Variants in LMNB1 observed in about 807,000 individuals in gnomAD.
The protein encoded by LMNB1 is lamin-B1.
Under a neutral mutation model 67.1 loss-of-function variants are expected in LMNB1, and 23 were observed. That is an observed-to-expected ratio of 0.34 (90% CI 0.25 to 0.49). The LOEUF is 0.49. LMNB1 is among the 20% of genes least tolerant of loss of function. The pLI, the probability that LMNB1 is intolerant of heterozygous loss-of-function variation, is 0.99. For missense variants in LMNB1, 634 were observed against 746.5 expected (o/e 0.85, Z 1.76); for synonymous variants, 281 against 282.9 (o/e 0.99, Z 0.07).
intron 1 of LMNB1, among the ~76,000 whole-genome samples, chr5:126,803,172 A>G (rs1041905591): frequency 4.2e-5 from 6 of 142,296 alleles, no homozygotes; most frequent in Admixed American, 2.8e-4. Flanking sequence ...GGTGATGGTG[A>G]GATGCCATCT....
chr5:126,823,630 ATTC>A (rs1432511231), intron 8 of LMNB1, among the ~76,000 whole-genome samples: 2 of 152,202 alleles, frequency 1.3e-5, no homozygotes, highest in African/African-American at 2.4e-5. Context: ...CCTTTTATAT[ATTC>A]TTTAAAAAAT....
intron 1 of LMNB1, among the ~76,000 whole-genome samples, chr5:126,800,769 C>T (rs1413274798): frequency 6.8e-6 from 1 of 146,992 alleles, no homozygotes; most frequent in African/African-American, 2.5e-5. Context: ...TCTCCCGCCT[C>T]AGCCTCCTGA....
In LMNB1 at chr5:126,819,019, T is replaced by C; in HGVS notation, c.1037T>C (p.Met346Thr). Residue 346 changes from methionine to threonine, a missense_variant, in exon 6 of 11, where the codon ATG becomes ACG. Physicochemically the swap from Met to Thr is moderately conservative, Grantham distance 81. Coordinates refer to ENST00000261366, the MANE Select transcript of LMNB1 (RefSeq NM_005573.4). Reference sequence around the variant, plus strand: ...ATGCTGACAGACAAAGAGAGAGAGATGGCGGAAATAAGGGATCAAATGCAG... The same window carrying C: ...ATGCTGACAGACAAAGAGAGAGAGACGGCGGAAATAAGGGATCAAATGCAG... ...RRMLTDKERE[M>T]AEIRDQMQQQ... 3.7e-6 allele frequency: 6 copies of C among 1,614,044 alleles called. No homozygotes were observed. The highest frequency in any genetic ancestry group is 3.4e-6 in the Non-Finnish European group (4 of 1,179,952).
At chr5:126,826,286 A>G (rs1751997717) in intron 9 of LMNB1, among the ~76,000 whole-genome samples, 179 bp downstream of exon 9, 1 of 152,250 alleles carries the variant, frequency 6.6e-6, no homozygotes, top group Admixed American at 6.5e-5. Flanking sequence ...TGTATTATAG[A>G]GTACTGATTA....
chr5:126,777,386 A>G lies in LMNB1; in HGVS notation c.-123A>G. On this transcript the variant is annotated 5_prime_UTR_variant, in exon 1 of 11. Coordinates refer to ENST00000261366, the MANE Select transcript of LMNB1 (RefSeq NM_005573.4). ...GTGCTTCTCCGTTCCTCTAAACGCCAGCGTCTGGACGTGAGCGCAGGTCGC... is the reference window on the plus strand; with the variant it reads ...GTGCTTCTCCGTTCCTCTAAACGCCGGCGTCTGGACGTGAGCGCAGGTCGC... 1 of 1,140,820 alleles carries G rather than the reference A, an allele frequency of 8.8e-7. No homozygotes were observed. Among genetic ancestry groups the G allele is most frequent in the Non-Finnish European group, 1.1e-6 (1 of 904,834 alleles). The allele number at this position is 1,140,820 out of a possible 1,614,324, so 70.7% of individuals were successfully genotyped here. A position where few individuals can be genotyped will look rare whatever the true frequency, so the allele number is the denominator to read the frequency against.
chr5:126,801,062 C>G (rs942066994), intron 1 of LMNB1, among the ~76,000 whole-genome samples: 1 of 137,798 alleles, frequency 7.3e-6, no homozygotes, highest in African/African-American at 2.7e-5. Flanking sequence ...GGGCTCACTG[C>G]AGCCTCGACC....
rs559122559 is a variant in LMNB1 at position 126,802,556 on chromosome 5, G to A, written c.360-2220G>A. ...CCTCCCGGGTTCAGGCAATTCTCCT[G>A]CCTCAGCCTCCCAGGTAGCTGGGAT... On this transcript the variant is annotated intron_variant, in intron 1 of 10. Coordinates refer to ENST00000261366, the MANE Select transcript of LMNB1 (RefSeq NM_005573.4). 3.3e-5 allele frequency among the ~76,000 whole-genome samples: 5 copies of A among 152,222 alleles called. No homozygotes were observed. The South Asian group carries it at 1.0e-3, about 32-fold the overall frequency.
chr5:126,788,332 G>T (rs1163472654), intron 1 of LMNB1, among the ~76,000 whole-genome samples: 1 of 152,048 alleles, frequency 6.6e-6, no homozygotes, highest in South Asian at 2.1e-4. Context: ...CCCACAATGG[G>T]GATGATAAGT....
In LMNB1 at chr5:126,826,190, C is replaced by T. The variant is rs186959470; in HGVS notation, c.1611+83C>T. ...AAGTATAATCAAGATCAGATTGAAA[C>T]GTGCAATAACCGATTGCATAAACAG... On this transcript the variant is annotated intron_variant, in intron 9 of 10. Transcript: ENST00000261366. 6.8e-5 allele frequency: 99 copies of T among 1,457,816 alleles called. No homozygotes were observed. The African/African-American group carries it at 1.2e-3, about 18-fold the overall frequency. The allele number at this position is 1,457,816 out of a possible 1,614,324, so 90.3% of individuals were successfully genotyped here. A position where few individuals can be genotyped will look rare whatever the true frequency, so the allele number is the denominator to read the frequency against.
intron 1 of LMNB1, among the ~76,000 whole-genome samples, chr5:126,803,994 A>G (rs571288712): frequency 6.6e-6 from 1 of 152,008 alleles, no homozygotes; most frequent in African/African-American, 2.4e-5. Context: ...TCTTACTAAT[A>G]TCAGGGGAGT....
intron 10 of LMNB1, among the ~76,000 whole-genome samples, chr5:126,834,294 C>T (rs1182834041): frequency 6.6e-6 from 1 of 152,084 alleles, no homozygotes; most frequent in African/African-American, 2.4e-5. Flanking sequence ...CAACCTCCAC[C>T]TCCCAGGTTC....
chr5:126,811,679 C>G (rs1183719387), intron 4 of LMNB1, 94 bp from the exon 5 acceptor site: 1 of 1,164,706 alleles, frequency 8.6e-7, no homozygotes, highest in Non-Finnish European at 1.2e-6. Context: ...CAGTTACCAG[C>G]AGGACTTAGG....
chr5:126,787,546 A>ATATTTTTTTT, intron 1 of LMNB1, among the ~76,000 whole-genome samples: 52 of 65,574 alleles, frequency 7.9e-4, no homozygotes, highest in African/African-American at 3.0e-3. Flanking sequence ...ATATATATAT[A>ATATTTTTTTT]TTTTTTTTTT....
chr5:126,830,509 G>A (rs906820467), intron 9 of LMNB1, among the ~76,000 whole-genome samples: 2 of 151,758 alleles, frequency 1.3e-5, no homozygotes, highest in Non-Finnish European at 2.9e-5. Context: ...TTTTTTATAC[G>A]GCTTTCTGTA....
intron 1 of LMNB1, among the ~76,000 whole-genome samples, chr5:126,801,226 T>C (rs1446460143): frequency 6.6e-6 from 1 of 151,642 alleles, no homozygotes; most frequent in Non-Finnish European, 1.5e-5. Flanking sequence ...GCTGGGATTA[T>C]AGACGTGAGC....
intron 3 of LMNB1, 37 bp downstream of exon 3, chr5:126,805,733 G>A (rs1751400918): frequency 6.6e-7 from 1 of 1,508,484 alleles, no homozygotes; most frequent in East Asian, 2.3e-5. Context: ...AAGGAATGGA[G>A]GGGTTCTAGA....
At chr5:126,778,116 G>T (rs903735021) in intron 1 of LMNB1, among the ~76,000 whole-genome samples, 1 of 152,186 alleles carries the variant, frequency 6.6e-6, no homozygotes, top group African/African-American at 2.4e-5. Flanking sequence ...TTGGATACCC[G>T]CTGGGACGTG....
At chr5:126,812,371 G>C (rs1365527568) in intron 5 of LMNB1, among the ~76,000 whole-genome samples, 11 of 152,238 alleles carry the variant, frequency 7.2e-5, no homozygotes, top group Non-Finnish European at 1.3e-4. Flanking sequence ...ATCCAGGAAA[G>C]TAGCTTTAAT....
chr5:126,810,027 AAG>A, intron 3 of LMNB1, among the ~76,000 whole-genome samples, 151 bp from the exon 4 acceptor site: 1 of 152,352 alleles, frequency 6.6e-6, no homozygotes, highest in South Asian at 2.1e-4. Flanking sequence ...ACTGAAAACT[AAG>A]AGGCAAAAAA....
Sources: allele counts gnomAD v4.1 joint callset (sites outside exome capture counted in the v4.1 genomes callset), GRCh38; gene constraint gnomAD v4.1.1; transcripts MANE v1.5; gene names NCBI Gene and HGNC (gene_info 2026-07-23, HGNC 2026-07-21).